DDAH1: variants seen among roughly 807,000 people sequenced by gnomAD.
DDAH1 encodes the protein dimethylarginine dimethylaminohydrolase 1, also known as N(G),N(G)-dimethylarginine dimethylaminohydrolase 1.
DDAH1 carries 19 observed loss-of-function variants against 28.8 expected under a neutral mutation model. The ratio of observed to expected loss-of-function variants is 0.66; its 90% CI spans 0.46 to 0.97. DDAH1 has a LOEUF of 0.97. DDAH1 is among the 50% of genes least tolerant of loss of function. The pLI is 0.00. For missense variants in DDAH1, 326 were observed against 375.9 expected (o/e 0.87, Z 1.10); for synonymous variants, 153 against 154.4 (o/e 0.99, Z 0.07).
Position 85,492,392 on chromosome 1 carries a change from GA to G in DDAH1, c.-7+3773del, listed in dbSNP as rs1356880558. ...AATTGCAGCATTAGAAACAGTAATA[GA>G]AAAAAATAAATGCAGAATCTCATAT... is the stretch of plus-strand genomic sequence containing the variant. On this transcript the variant is annotated intron_variant, in intron 2 of 6. Transcript: ENST00000426972. 5.3e-5 allele frequency among the ~76,000 whole-genome samples: 8 copies of G among 152,192 alleles called. No homozygotes were observed. The East Asian group carries it at 1.3e-3, about 26-fold the overall frequency.
rs558340019 is a variant in DDAH1 at position 85,477,667 on chromosome 1, A to G, written c.-7+18499T>C. On this transcript the variant is annotated intron_variant, in intron 2 of 6. Coordinates refer to the DDAH1 transcript ENST00000426972. ...ATATGTATATGCATATACTATCTCT[A>G]CTATATATAGAAATATATATAGTAT... 5.9e-5 allele frequency among the ~76,000 whole-genome samples: 9 copies of G among 152,010 alleles called. No homozygotes were observed. In the South Asian group the frequency reaches 8.3e-4, roughly 14 times the overall value.
intron 1 of DDAH1, among the ~76,000 whole-genome samples, chr1:85,551,596 C>T (rs542406902): frequency 1.4e-4 from 21 of 152,306 alleles, no homozygotes; most frequent in African/African-American, 4.3e-4. Context: ...CTATGAGAGA[C>T]ATTAGTGATA....
chr1:85,449,946 G>C (rs1402437825), intron 1 of DDAH1, among the ~76,000 whole-genome samples: 5 of 152,052 alleles, frequency 3.3e-5, no homozygotes, highest in Admixed American at 3.3e-4. Flanking sequence ...CAGAGAGAGG[G>C]AATATTCCTA....
At chr1:85,502,785 C>G (rs1656866010) in intron 1 of DDAH1, among the ~76,000 whole-genome samples, 1 of 152,212 alleles carries the variant, frequency 6.6e-6, no homozygotes, top group South Asian at 2.1e-4. Flanking sequence ...TGCTGCTTCT[C>G]TTCTGGGTTC....
At chr1:85,402,041 A>G (rs1015604821) in intron 1 of DDAH1, among the ~76,000 whole-genome samples, 4 of 152,160 alleles carry the variant, frequency 2.6e-5, no homozygotes, top group African/African-American at 9.7e-5. Flanking sequence ...GCTAGAGTGC[A>G]GTGCTGCAAT....
chr1:85,550,158 A>C (rs1658744316), intron 1 of DDAH1, among the ~76,000 whole-genome samples: 1 of 152,056 alleles, frequency 6.6e-6, no homozygotes, highest in Admixed American at 6.5e-5. Flanking sequence ...CCCAACTACC[A>C]CTGTTTCCTA....
chr1:85,367,938 A>G (rs1650160684), intron 1 of DDAH1, among the ~76,000 whole-genome samples: 1 of 152,176 alleles, frequency 6.6e-6, no homozygotes, highest in South Asian at 2.1e-4. Context: ...GTTTTCTGTT[A>G]GCTGCAGCTA....
At chr1:85,505,874 TAA>T (rs1656997029) in intron 1 of DDAH1, among the ~76,000 whole-genome samples, 1 of 152,206 alleles carries the variant, frequency 6.6e-6, no homozygotes, top group African/African-American at 2.4e-5. Context: ...TAGACTTTTT[TAA>T]TACATTTTAA....
chr1:85,500,071 TC>T (rs1656741049), intron 1 of DDAH1, among the ~76,000 whole-genome samples: 2 of 151,792 alleles, frequency 1.3e-5, no homozygotes, highest in Non-Finnish European at 1.5e-5. Flanking sequence ...TCTTTTCTTT[TC>T]TTTCCTTTCC....
chr1:85,367,686 G>A (rs1471523914), intron 1 of DDAH1, among the ~76,000 whole-genome samples: 1 of 152,068 alleles, frequency 6.6e-6, no homozygotes, highest in African/African-American at 2.4e-5. Flanking sequence ...GGCCACTGAG[G>A]GGGTGTCTGT....
At chr1:85,405,735 A>C (rs1652372666) in intron 1 of DDAH1, among the ~76,000 whole-genome samples, 1 of 152,198 alleles carries the variant, frequency 6.6e-6, no homozygotes, top group African/African-American at 2.4e-5. Flanking sequence ...AAAAAGAGAG[A>C]GCCTCAGAGA....
intron 1 of DDAH1, among the ~76,000 whole-genome samples, chr1:85,427,668 A>AAAAC (rs750433222): frequency 6.6e-6 from 1 of 152,210 alleles, no homozygotes; most frequent in Non-Finnish European, 1.5e-5. Context: ...TTGCTCTGGG[A>AAAAC]AAACAAACAA....
At chr1:85,484,317 G>T (rs1038671637) in intron 2 of DDAH1, among the ~76,000 whole-genome samples, 10 of 151,456 alleles carry the variant, frequency 6.6e-5, no homozygotes, top group Non-Finnish European at 1.2e-4. Context: ...TTTCAACTTT[G>T]TGGTATAATG....
intron 1 of DDAH1, among the ~76,000 whole-genome samples, chr1:85,396,279 TG>T (rs1301185090): frequency 6.6e-6 from 1 of 152,194 alleles, no homozygotes; most frequent in African/African-American, 2.4e-5. Flanking sequence ...GAGGTTTACT[TG>T]ACTCACAGTT....
chr1:85,543,139 A>C (rs1325671496), intron 1 of DDAH1, among the ~76,000 whole-genome samples: 2 of 152,214 alleles, frequency 1.3e-5, no homozygotes, highest in African/African-American at 4.8e-5. Context: ...GGTTATGTTC[A>C]CAAGGAGCCA....
chr1:85,335,588 T>A (rs910305851), intron 4 of DDAH1, among the ~76,000 whole-genome samples: 4 of 152,180 alleles, frequency 2.6e-5, no homozygotes, highest in African/African-American at 9.7e-5. Flanking sequence ...TATGTAATGA[T>A]AAATGGATCA....
chr1:85,500,703 G>A (rs966534374), intron 1 of DDAH1, among the ~76,000 whole-genome samples: 3 of 152,086 alleles, frequency 2.0e-5, no homozygotes, highest in Admixed American at 6.5e-5. Flanking sequence ...TTTCACAGAT[G>A]TTAGGCCACC....
intron 1 of DDAH1, among the ~76,000 whole-genome samples, chr1:85,370,646 CAAAGA>C (rs1195804594): frequency 2.6e-5 from 4 of 152,070 alleles, no homozygotes; most frequent in Non-Finnish European, 5.9e-5. Context: ...ACAGTGGAGA[CAAAGA>C]AAGTGCTGAA....
intron 1 of DDAH1, among the ~76,000 whole-genome samples, chr1:85,385,667 T>C (rs894786099): frequency 2.0e-5 from 3 of 152,190 alleles, no homozygotes; most frequent in African/African-American, 7.2e-5. Flanking sequence ...TCATTTTGAA[T>C]ATAGGATCTA....
Sources: allele counts gnomAD v4.1 joint callset (sites outside exome capture counted in the v4.1 genomes callset), GRCh38; gene constraint gnomAD v4.1.1; transcripts MANE v1.5; gene names NCBI Gene and HGNC (gene_info 2026-07-23, HGNC 2026-07-21).